Variants in SHF observed in about 807,000 individuals in gnomAD.
The protein encoded by SHF is Src homology 2 domain containing F.
A neutral mutation model predicts 42.4 loss-of-function variants in SHF; 30 were observed. The observed-to-expected ratio is 0.71, with a 90% CI of 0.53 to 0.96. The LOEUF is 0.96. Among genes scored for constraint, SHF ranks in the 40% least tolerant of loss-of-function variants. The pLI, the probability that SHF is intolerant of heterozygous loss-of-function variation, is 0.00. For synonymous variants in SHF, 264 were observed against 269.9 expected, an observed-to-expected ratio of 0.98 and a Z score of 0.21; for missense variants, 598 against 634.0, an observed-to-expected ratio of 0.94 and a Z score of 0.61.
At chr15:45,201,096 C>G (rs941465514) in exon 1 of SHF, 2 of 342,140 alleles carry the variant, frequency 5.8e-6, no homozygotes, top group Non-Finnish European at 1.2e-5. Context: ...TGGCCGCCAT[C>G]TAGACGAGAA....
chr15:45,169,062 C>G (rs1167224008), intron 6 of SHF, among the ~76,000 whole-genome samples: 1 of 152,112 alleles, frequency 6.6e-6, no homozygotes, highest in Non-Finnish European at 1.5e-5. Flanking sequence ...TTTGGGGAGC[C>G]CTGAAGCCTA....
At chr15:45,190,320 G>C (rs1412642615), upstream of SHF, among the ~76,000 whole-genome samples, 1 of 152,194 alleles carries the variant, frequency 6.6e-6, no homozygotes, top group African/African-American at 2.4e-5. Context: ...AGAGAAGAAT[G>C]GTCCAGTTAA....
intron 1 of SHF, chr15:45,200,678 C>T: frequency 2.2e-6 from 1 of 454,966 alleles, no homozygotes; most frequent in Non-Finnish European, 4.4e-6. Context: ...GCACCAGACA[C>T]GGTGGCCGAT....
At chr15:45,174,126 C>A in intron 3 of SHF, 2 of 201,304 alleles carry the variant, frequency 9.9e-6, no homozygotes, top group Non-Finnish European at 2.0e-5. Context: ...GCCTTGCCTC[C>A]CTTTCTCCTT....
chr15:45,195,978 A>G (rs1898849906), intron 2 of SHF, among the ~76,000 whole-genome samples: 1 of 152,212 alleles, frequency 6.6e-6, no homozygotes, highest in Non-Finnish European at 1.5e-5. Flanking sequence ...CATTTGGGCC[A>G]AGTTTTGTTT....
At chr15:45,198,760 T>C (rs1430757096) in intron 2 of SHF, 17 of 1,603,582 alleles carry the variant, frequency 1.1e-5, no homozygotes, top group Non-Finnish European at 1.4e-5. Flanking sequence ...CGTCATTAAA[T>C]GGCCTACTTA....
intron 2 of SHF, among the ~76,000 whole-genome samples, chr15:45,196,050 TA>T (rs1898851064): frequency 6.6e-6 from 1 of 151,672 alleles, no homozygotes; most frequent in African/African-American, 2.4e-5. Context: ...TGCCGATATT[TA>T]AAAATTTATA....
chr15:45,197,211 T>C (rs1835797430), intron 2 of SHF, among the ~76,000 whole-genome samples: 1 of 141,304 alleles, frequency 7.1e-6, no homozygotes, highest in African/African-American at 2.7e-5. Context: ...ATTGCTCCAC[T>C]GCACACCAGC....
intron 2 of SHF, among the ~76,000 whole-genome samples, chr15:45,194,632 G>C (rs986705669): frequency 6.6e-6 from 1 of 151,836 alleles, no homozygotes; most frequent in African/African-American, 2.4e-5. Context: ...GATTACAGGC[G>C]TGAGCCACTG....
intron 2 of SHF, among the ~76,000 whole-genome samples, chr15:45,176,006 T>TG (rs1258539579): frequency 2.0e-5 from 3 of 151,804 alleles, no homozygotes; most frequent in South Asian, 2.1e-4. Context: ...TTTGTAGAGA[T>TG]GGGGGGTTTC....
At chr15:45,172,023 G>A (rs761908499) in intron 5 of SHF, 21 bp from the exon 6 acceptor site, 2 of 1,613,866 alleles carry the variant, frequency 1.2e-6, no homozygotes, top group South Asian at 2.2e-5. Context: ...GAGAGAGGAA[G>A]GGGGGCATCT....
At chr15:45,172,069 T>G in intron 5 of SHF, 67 bp from the exon 6 acceptor site, 1 of 1,613,844 alleles carries the variant, frequency 6.2e-7, no homozygotes, top group South Asian at 1.1e-5. Flanking sequence ...CCACCCATTG[T>G]GGGTGTCCCC....
intron 1 of SHF, among the ~76,000 whole-genome samples, chr15:45,182,419 G>A (rs1385624302): frequency 6.6e-6 from 1 of 152,194 alleles, no homozygotes; most frequent in African/African-American, 2.4e-5. Context: ...ATTTGTAAAA[G>A]TTCTTAGCCC....
intron 1 of SHF, among the ~76,000 whole-genome samples, chr15:45,181,747 G>A (rs1177142517): frequency 6.6e-6 from 1 of 152,188 alleles, no homozygotes; most frequent in African/African-American, 2.4e-5. Flanking sequence ...CAAAGACTCT[G>A]GCGCAAAGGC....
intron 2 of SHF, among the ~76,000 whole-genome samples, chr15:45,193,513 G>A (rs144373387): frequency 1.3e-5 from 2 of 152,158 alleles, no homozygotes; most frequent in African/African-American, 4.8e-5. Flanking sequence ...GTCTGGTTTA[G>A]TGAAGCAATA....
At chr15:45,170,645 C>CTTTTTTTT (rs146136602) in intron 6 of SHF, 37 of 221,828 alleles carry the variant, frequency 1.7e-4, no homozygotes, top group African/African-American at 2.5e-4. Context: ...TTATCTTTTT[C>CTTTTTTTT]TTTTTTTTTT....
chr15:45,170,645 CTTT>C (rs146136602), intron 6 of SHF: 887 of 220,364 alleles, frequency 4.0e-3, no homozygotes, highest in South Asian at 8.5e-3. Context: ...TTATCTTTTT[CTTT>C]TTTTTTTTTT....
intron 1 of SHF, chr15:45,199,171 G>T: frequency 7.5e-7 from 1 of 1,331,902 alleles, no homozygotes; most frequent in Non-Finnish European, 1.0e-6. Context: ...ATCTCCCCAT[G>T]TTCCCAACAC....
At chr15:45,176,158 T>C (rs895649310) in intron 2 of SHF, among the ~76,000 whole-genome samples, 1 of 152,104 alleles carries the variant, frequency 6.6e-6, no homozygotes, top group African/African-American at 2.4e-5. Context: ...AATTATTCTT[T>C]GCTGCCCAGA....
Sources: allele counts gnomAD v4.1 joint callset (sites outside exome capture counted in the v4.1 genomes callset), GRCh38; gene constraint gnomAD v4.1.1; transcripts MANE v1.5; gene names NCBI Gene and HGNC (gene_info 2026-07-23, HGNC 2026-07-21).